CNTN5: variants seen among roughly 807,000 people sequenced by gnomAD.
CNTN5 encodes the protein contactin 5.
A neutral mutation model predicts 129.1 loss-of-function variants in CNTN5; 77 were observed. That is an observed-to-expected ratio of 0.60 (90% CI 0.50 to 0.72). The LOEUF is 0.72. Ranked by LOEUF, CNTN5 falls within the 30% of genes least tolerant of loss-of-function variation. CNTN5 has a pLI of 0.00. For synonymous variants in CNTN5, 509 were observed against 465.6 expected (o/e 1.09, Z -1.20); for missense variants, 1,478 against 1,328.8 (o/e 1.11, Z -1.75).
intron 2 of CNTN5, among the ~76,000 whole-genome samples, chr11:99,465,381 C>A (rs920768492): frequency 2.0e-5 from 3 of 152,140 alleles, no homozygotes; most frequent in African/African-American, 7.2e-5. Flanking sequence ...ACAGTGATAT[C>A]AAACACTTCT....
intron 2 of CNTN5, among the ~76,000 whole-genome samples, chr11:99,363,334 T>C (rs1939240153): frequency 6.6e-6 from 1 of 152,300 alleles, no homozygotes; most frequent in South Asian, 2.1e-4. Context: ...TTAAATAAAA[T>C]GTAGAATCTG....
intron 13 of CNTN5, among the ~76,000 whole-genome samples, chr11:100,078,396 C>A (rs531468308): frequency 3.9e-4 from 60 of 152,036 alleles, no homozygotes; most frequent in South Asian, 2.1e-3. Context: ...CTAAAATATA[C>A]AAGAAAATGG....
chr11:99,192,543 A>G (rs1858696116), intron 1 of CNTN5, among the ~76,000 whole-genome samples: 1 of 151,982 alleles, frequency 6.6e-6, no homozygotes, highest in South Asian at 2.1e-4. Flanking sequence ...ATAACATTAG[A>G]TACTAGAATT....
intron 3 of CNTN5, among the ~76,000 whole-genome samples, chr11:99,738,944 T>C (rs1275644846): frequency 1.3e-5 from 2 of 152,208 alleles, no homozygotes; most frequent in Non-Finnish European, 2.9e-5. Context: ...ATTGTATGTG[T>C]ATGTGTATGT....
intron 16 of CNTN5, among the ~76,000 whole-genome samples, chr11:100,240,148 G>A (rs770506332): frequency 2.0e-5 from 3 of 152,100 alleles, no homozygotes; most frequent in Non-Finnish European, 4.4e-5. Flanking sequence ...CACTGAACAA[G>A]ATAGTCTGCA....
At chr11:99,731,336 C>T (rs1943527389) in intron 3 of CNTN5, among the ~76,000 whole-genome samples, 1 of 151,872 alleles carries the variant, frequency 6.6e-6, no homozygotes, top group Non-Finnish European at 1.5e-5. Flanking sequence ...TGGTCTTGAT[C>T]TCCTGACCTC....
chr11:99,403,203 T>C (rs978074318), intron 2 of CNTN5, among the ~76,000 whole-genome samples: 1 of 152,100 alleles, frequency 6.6e-6, no homozygotes, highest in African/African-American at 2.4e-5. Context: ...GGTCTCACCA[T>C]GTTAGCCAGG....
At chr11:99,970,621 A>G (rs1951223646) in intron 8 of CNTN5, among the ~76,000 whole-genome samples, 1 of 152,198 alleles carries the variant, frequency 6.6e-6, no homozygotes, top group African/African-American at 2.4e-5. Flanking sequence ...GTTAGCTATT[A>G]ACACAGTACT....
At chr11:99,777,701 T>G (rs1208383837) in intron 3 of CNTN5, among the ~76,000 whole-genome samples, 1 of 151,840 alleles carries the variant, frequency 6.6e-6, no homozygotes, top group Non-Finnish European at 1.5e-5. Flanking sequence ...TTTTGAGTGC[T>G]CCGCAAACCT....
chr11:99,219,637 CT>C (rs1447016036), intron 1 of CNTN5, among the ~76,000 whole-genome samples: 1 of 146,642 alleles, frequency 6.8e-6, no homozygotes, highest in South Asian at 2.2e-4. Context: ...ATGGCAAAGA[CT>C]TTTTTGTCTT....
chr11:99,049,745 C>T (rs1864352339), intron 1 of CNTN5: 1 of 152,100 alleles, frequency 6.6e-6, no homozygotes, highest in Admixed American at 6.6e-5. Flanking sequence ...CCCGTAGCTA[C>T]CACTGGCTGA....
intron 1 of CNTN5, among the ~76,000 whole-genome samples, chr11:99,114,837 G>A (rs1229133635): frequency 2.6e-5 from 4 of 152,064 alleles, no homozygotes; most frequent in Non-Finnish European, 4.4e-5. Flanking sequence ...CAAACAATCC[G>A]TGTTATAGAC....
At chr11:99,182,137 G>A (rs1212381275) in intron 1 of CNTN5, among the ~76,000 whole-genome samples, 1 of 152,186 alleles carries the variant, frequency 6.6e-6, no homozygotes, top group African/African-American at 2.4e-5. Context: ...AGCCGAAGAT[G>A]CATGAGCATC....
intron 21 of CNTN5, among the ~76,000 whole-genome samples, chr11:100,318,096 C>A (rs1203324427): frequency 6.6e-6 from 1 of 151,880 alleles, no homozygotes; most frequent in African/African-American, 2.4e-5. Context: ...AAAAAATTAG[C>A]CGGGCGCGGT....
At chr11:99,311,920 T>A (rs1865130858) in intron 1 of CNTN5, among the ~76,000 whole-genome samples, 1 of 152,176 alleles carries the variant, frequency 6.6e-6, no homozygotes, top group Non-Finnish European at 1.5e-5. Flanking sequence ...TATCTACAGG[T>A]ATAACTTGCC....
At chr11:99,113,582 AG>A (rs531801473) in intron 1 of CNTN5, among the ~76,000 whole-genome samples, 58 of 152,128 alleles carry the variant, frequency 3.8e-4, no homozygotes, top group Non-Finnish European at 6.2e-4. Flanking sequence ...TGTCAGCTGA[AG>A]CATTTCTCCA....
At chr11:99,555,707 C>T (rs1948641438) in intron 2 of CNTN5, among the ~76,000 whole-genome samples, 1 of 151,796 alleles carries the variant, frequency 6.6e-6, no homozygotes, top group Admixed American at 6.6e-5. Flanking sequence ...GAGCTACAGG[C>T]ACAATGTGTA....
At chr11:99,355,822 T>TTTTG (rs1555119043) in intron 2 of CNTN5, among the ~76,000 whole-genome samples, 26 of 133,104 alleles carry the variant, frequency 2.0e-4, no homozygotes, top group African/African-American at 5.3e-4. Context: ...TTTTTTTTTG[T>TTTTG]TTTTTTTTTT....
chr11:99,136,716 A>G (rs529066083), intron 1 of CNTN5, among the ~76,000 whole-genome samples: 1 of 152,288 alleles, frequency 6.6e-6, no homozygotes, highest in East Asian at 1.9e-4. Flanking sequence ...AAATGGCCAT[A>G]TATAATATAG....
Sources: gnomAD v4.1 joint callset for allele counts (sites outside exome capture counted in the v4.1 genomes callset) on GRCh38, gnomAD v4.1.1 for gene constraint, MANE v1.5 for transcripts, NCBI Gene and HGNC (gene_info 2026-07-23, HGNC 2026-07-21) for gene names.